Variants in KIF26B observed in about 807,000 individuals in gnomAD.
KIF26B encodes the protein kinesin-like protein KIF26B.
KIF26B carries 63 observed loss-of-function variants against 151.2 expected under a neutral mutation model. That is an observed-to-expected ratio of 0.42 (90% CI 0.34 to 0.51). KIF26B has a LOEUF of 0.51. Ranked by LOEUF, KIF26B falls within the 20% of genes least tolerant of loss-of-function variation. The probability of loss-of-function intolerance (pLI) is 0.07; values close to 1 mark genes in which losing one functional copy is unlikely to be tolerated. For missense variants in KIF26B, 2,813 were observed against 2,913.6 expected (o/e 0.97, Z 0.79); for synonymous variants, 1,357 against 1,262.1 (o/e 1.08, Z -1.59).
chr1:245,657,400 C>T (rs975326874), intron 10 of KIF26B, among the ~76,000 whole-genome samples: 2 of 152,188 alleles, frequency 1.3e-5, no homozygotes, highest in Admixed American at 1.3e-4. Flanking sequence ...TCATTAAGGG[C>T]ACCTGCCATA....
chr1:245,345,740 T>C (rs1364494539), intron 2 of KIF26B, among the ~76,000 whole-genome samples: 2 of 152,046 alleles, frequency 1.3e-5, no homozygotes, highest in Non-Finnish European at 2.9e-5. Flanking sequence ...CCTTCCTTGC[T>C]CTTTCTTGCT....
At chr1:245,484,074 G>A (rs1457723085) in intron 4 of KIF26B, among the ~76,000 whole-genome samples, 4 of 151,564 alleles carry the variant, frequency 2.6e-5, no homozygotes, top group African/African-American at 9.7e-5. Context: ...GTTAGGCCTG[G>A]GCTGATCCCA....
intron 3 of KIF26B, among the ~76,000 whole-genome samples, chr1:245,416,113 A>AAAATAC (rs1491527789): frequency 1.4e-4 from 3 of 21,302 alleles, no homozygotes; most frequent in Admixed American, 3.1e-4. Context: ...GTAAAAATAC[A>AAAATAC]AAAAAAAAAA....
chr1:245,394,454 CTG>C (rs1250956632), intron 3 of KIF26B, among the ~76,000 whole-genome samples: 1 of 151,998 alleles, frequency 6.6e-6, no homozygotes, highest in Non-Finnish European at 1.5e-5. Context: ...GAAATCCCAT[CTG>C]TACTAAAAAT....
At chr1:245,287,798 C>A (rs1057217383) in intron 2 of KIF26B, among the ~76,000 whole-genome samples, 2 of 152,128 alleles carry the variant, frequency 1.3e-5, no homozygotes, top group Non-Finnish European at 2.9e-5. Context: ...GCACCGCGCC[C>A]GGCCTGATCT....
At chr1:245,396,656 A>C (rs1424866716) in intron 3 of KIF26B, among the ~76,000 whole-genome samples, 2 of 151,788 alleles carry the variant, frequency 1.3e-5, no homozygotes, top group African/African-American at 2.4e-5. Context: ...CAAAAAACAA[A>C]AAAAAAACAA....
Position 245,708,753 on chromosome 1 carries a change from G to A in KIF26B, c.*6147G>A, listed in dbSNP as rs1282763853. 6.6e-6 allele frequency: 1 copy of A among 152,192 alleles called. No homozygotes were observed. The highest frequency in any genetic ancestry group is 1.5e-5 in the Non-Finnish European group (1 of 68,040). 9.4% of individuals were successfully genotyped at this position (152,192 alleles called of 1,614,324 possible). A position where few individuals can be genotyped will look rare whatever the true frequency, so the allele number is the denominator to read the frequency against. On this transcript the variant is annotated 3_prime_UTR_variant, in exon 15 of 15. Transcript: ENST00000407071. ...TCAGTTTTCTAACCTATAAAATGAA[G>A]ACATTGTGCTAGATGATCTTTGTGG...
intron 2 of KIF26B, among the ~76,000 whole-genome samples, chr1:245,251,933 G>T (rs114311150): frequency 0.012 from 1,860 of 152,026 alleles, 43 homozygotes; most frequent in African/African-American, 0.041. Flanking sequence ...TGTCAGAATT[G>T]CTTGGAATTT....
At chr1:245,164,827 C>A (rs1390835797) in intron 2 of KIF26B, among the ~76,000 whole-genome samples, 3 of 152,178 alleles carry the variant, frequency 2.0e-5, no homozygotes, top group Non-Finnish European at 4.4e-5. Flanking sequence ...AATCCCAGAA[C>A]TTTGGGAGGC....
At chr1:245,219,440 T>C (rs2103548217) in intron 2 of KIF26B, among the ~76,000 whole-genome samples, 1 of 151,978 alleles carries the variant, frequency 6.6e-6, no homozygotes, top group Non-Finnish European at 1.5e-5. Flanking sequence ...CTAATAGAAG[T>C]AGGTATTTGC....
At position 245,516,481 on chromosome 1, in the gene KIF26B, C is replaced by T. The variant is rs10802217; in HGVS notation, c.1167-24286C>T. ...CACATGCGTCTATATGAACGCCCCG[C>T]TGCAGCTGCCTTTGCTATACAGTGA... On this transcript the variant is annotated intron_variant, in intron 4 of 14. Transcript: ENST00000407071. This position sits in a 1 kb window ranked among gnomAD's most constrained non-coding sequence, Gnocchi z 4.2. Among the ~76,000 whole-genome samples the T allele has an allele frequency of 0.25, 37,599 of 152,098 alleles. 5,704 individuals carry two copies. The highest frequency in any genetic ancestry group is 0.49 in the East Asian group (2,524 of 5,142).
intron 2 of KIF26B, among the ~76,000 whole-genome samples, chr1:245,197,790 A>T (rs1192043247): frequency 6.6e-6 from 1 of 152,216 alleles, no homozygotes; most frequent in East Asian, 1.9e-4. Context: ...CCAAAAGTAA[A>T]GTAAATGATG....
At chr1:245,174,499 CTTAT>C (rs59872226) in intron 2 of KIF26B, among the ~76,000 whole-genome samples, 41 of 150,388 alleles carry the variant, frequency 2.7e-4, no homozygotes, top group Middle Eastern at 3.4e-3. Flanking sequence ...TATGTATGTA[CTTAT>C]TTATTTATTT....
chr1:245,699,784 C>T lies in KIF26B; in HGVS notation c.6178+747C>T, dbSNP rs186202932. Among the ~76,000 whole-genome samples the T allele has an allele frequency of 1.6e-4, 25 of 152,352 alleles. No individual in the cohort carries two copies. In the East Asian group the frequency reaches 4.8e-3, roughly 29 times the overall value. On this transcript the variant is annotated intron_variant, in intron 14 of 14. Transcript: ENST00000407071. ...CCTCCCCTTCCCATCCAGCCCTCAG[C>T]CTCCGGCAGGCCTCCTTTGTACAGC...
intron 2 of KIF26B, among the ~76,000 whole-genome samples, chr1:245,188,320 C>T (rs1033701025): frequency 3.4e-5 from 5 of 147,816 alleles, no homozygotes. Context: ...ATTCAAGACA[C>T]AGTAGAACAG....
intron 3 of KIF26B, among the ~76,000 whole-genome samples, chr1:245,400,324 A>C (rs920499195): frequency 1.3e-5 from 2 of 152,178 alleles, no homozygotes; most frequent in African/African-American, 2.4e-5. Context: ...CACCTGATTT[A>C]CTTTACATTC....
intron 9 of KIF26B, among the ~76,000 whole-genome samples, chr1:245,620,767 C>T (rs2103162735): frequency 6.6e-6 from 1 of 152,266 alleles, no homozygotes; most frequent in African/African-American, 2.4e-5. Flanking sequence ...AAAACATTAA[C>T]TCTCTTTACA....
intron 2 of KIF26B, among the ~76,000 whole-genome samples, chr1:245,268,094 C>G (rs1486941616): frequency 6.6e-6 from 1 of 152,058 alleles, no homozygotes; most frequent in Non-Finnish European, 1.5e-5. Flanking sequence ...ATCACGTGAA[C>G]CCAGGAGGTT....
At chr1:245,402,866 A>G (rs1674040111) in intron 3 of KIF26B, among the ~76,000 whole-genome samples, 1 of 152,230 alleles carries the variant, frequency 6.6e-6, no homozygotes, top group Non-Finnish European at 1.5e-5. Context: ...GTATTTACAC[A>G]TCAAAAAACT....
Sources: allele counts gnomAD v4.1 joint callset (sites outside exome capture counted in the v4.1 genomes callset), GRCh38; gene constraint gnomAD v4.1.1; non-coding constraint Gnocchi (gnomAD v3.1); transcripts MANE v1.5; gene names NCBI Gene and HGNC (gene_info 2026-07-23, HGNC 2026-07-21).